KANSL3: variants seen among roughly 807,000 people sequenced by gnomAD.
KANSL3 encodes the protein KAT8 regulatory NSL complex subunit 3, also known as NSL complex protein NSL3.
KANSL3 carries 16 observed loss-of-function variants against 89.2 expected under a neutral mutation model. The observed-to-expected ratio is 0.18, with a 90% confidence interval of 0.12 to 0.27. The LOEUF (loss-of-function observed/expected upper bound fraction) is 0.27, where lower values mean the gene tolerates loss of function less well. Among genes scored for constraint, KANSL3 ranks in the 10% least tolerant of loss-of-function variants. KANSL3 has a pLI of 1.00. For synonymous variants in KANSL3, 385 were observed against 419.7 expected (o/e 0.92, Z 1.01); for missense variants, 879 against 1,110.6 (o/e 0.79, Z 2.96).
chr2:96,601,910 C>CT, intron 19 of KANSL3, 134 bp from the exon 20 acceptor site: 1 of 1,357,594 alleles, frequency 7.4e-7, no homozygotes, highest in East Asian at 2.5e-5. Flanking sequence ...CATCTATGCC[C>CT]TATCAGTCAA....
In KANSL3 at chr2:96,624,355, T is replaced by C. The variant is rs2071892037; in HGVS notation, c.387-4593A>G. ...CATTTGAAAAAGCTCTCTGGAAACA[T>C]GGATATATCTCCATGTTAATACACC... On this transcript the variant is annotated intron_variant, in intron 3 of 20. Transcript: ENST00000431828. 2.6e-5 allele frequency among the ~76,000 whole-genome samples: 4 copies of C among 152,324 alleles called. No homozygotes were observed. The South Asian group carries it at 8.3e-4, about 32-fold the overall frequency.
chr2:96,613,050 T>C (rs925367492), intron 6 of KANSL3, 116 bp from the exon 7 acceptor site: 21 of 707,420 alleles, frequency 3.0e-5, no homozygotes, highest in Non-Finnish European at 5.0e-5. Flanking sequence ...TGTGAAATTA[T>C]GTTAAGCACT....
At chr2:96,590,740 T>A (rs969530057), downstream of KANSL3, among the ~76,000 whole-genome samples, 1 of 151,956 alleles carries the variant, frequency 6.6e-6, no homozygotes, top group African/African-American at 2.4e-5. Flanking sequence ...TCCCAGCACT[T>A]TGGGAGGCCG....
rs768590755 is a variant in KANSL3 at position 96,608,611 on chromosome 2, G to A, written c.1638C>T (p.Thr546=). The change falls in exon 14 of 21, where the codon ACC becomes ACT. Residue 546 remains threonine, a synonymous_variant. Transcript: ENST00000431828. ...TGGACTTCTGGGCAGAGGTCACTGTGGTCACTTTGGTCTTGGGACTGGAGG... is the reference window on the plus strand; with the variant it reads ...TGGACTTCTGGGCAGAGGTCACTGTAGTCACTTTGGTCTTGGGACTGGAGG... ...SPTSSPKTKV[T]TVTSAQKSSQ... 16 of 1,613,976 alleles carry A rather than the reference G, an allele frequency of 9.9e-6. No individual in the cohort carries two copies. Among genetic ancestry groups the A allele is most frequent in the Non-Finnish European group, 1.4e-5 (16 of 1,179,886 alleles).
At chr2:96,631,744 T>G (rs1398224811) in intron 2 of KANSL3, among the ~76,000 whole-genome samples, 1 of 150,770 alleles carries the variant, frequency 6.6e-6, no homozygotes. Flanking sequence ...AAACATCTAT[T>G]TTTTTTTTAA....
intron 5 of KANSL3, among the ~76,000 whole-genome samples, chr2:96,618,264 G>A (rs1297522471): frequency 6.6e-6 from 1 of 151,998 alleles, no homozygotes; most frequent in Non-Finnish European, 1.5e-5. Flanking sequence ...ACCCAGGCTG[G>A]AGTGCAGTGG....
At chr2:96,604,145 G>T in intron 17 of KANSL3, 105 bp downstream of exon 17, 1 of 1,308,516 alleles carries the variant, frequency 7.6e-7, no homozygotes, top group Non-Finnish European at 1.0e-6. Context: ...AGACCCAGAG[G>T]CCCATCCTAT....
chr2:96,583,207 G>C, the KANSL3 span, among the ~76,000 whole-genome samples: 1 of 152,248 alleles, frequency 6.6e-6, no homozygotes, highest in East Asian at 1.9e-4. Context: ...TTATCTGTCT[G>C]ATTCTGTGGC....
the KANSL3 span, among the ~76,000 whole-genome samples, chr2:96,581,276 T>C: frequency 7.0e-4 from 106 of 152,132 alleles, no homozygotes; most frequent in Middle Eastern, 3.4e-3. Context: ...ATACAAAAAT[T>C]AGCCAGGCGT....
Position 96,610,878 on chromosome 2 carries a change from T to C in KANSL3, c.1167A>G (p.Val389=). ...TCTTCATATCCAAGAGGGGATCATC[T>C]ACATCCTAAAACAGGTATAGGTTTT... ...LLTVDGPRGD[V]DDPLLDMKTP... is the part of the protein sequence containing the mutation. Residue 389 remains valine, a synonymous_variant, in exon 11 of 21, where the codon GTA becomes GTG. Coordinates refer to ENST00000431828, the MANE Select transcript of KANSL3 (RefSeq NM_001115016.3). The C allele has an allele frequency of 6.2e-7, 1 of 1,613,880 alleles. No individual in the cohort carries two copies. Among genetic ancestry groups the C allele is most frequent in the Non-Finnish European group, 8.5e-7 (1 of 1,179,766 alleles).
chr2:96,630,212 C>G (rs2073133665), intron 3 of KANSL3, among the ~76,000 whole-genome samples: 1 of 152,198 alleles, frequency 6.6e-6, no homozygotes, highest in Admixed American at 6.5e-5. Context: ...CACACAAAAA[C>G]TTGTATGCAA....
At chr2:96,617,503 CA>C in intron 5 of KANSL3, among the ~76,000 whole-genome samples, 2 of 149,142 alleles carry the variant, frequency 1.3e-5, no homozygotes, top group Non-Finnish European at 3.0e-5. Context: ...GTTGGCCAGG[CA>C]ACTTACAGCA....
At chr2:96,600,273 A>G (rs931384626) in intron 20 of KANSL3, 28 of 256,908 alleles carry the variant, frequency 1.1e-4, no homozygotes, top group Non-Finnish European at 1.5e-4. Context: ...GAATGGATCC[A>G]TATCAGGCTA....
intron 3 of KANSL3, among the ~76,000 whole-genome samples, chr2:96,629,323 C>G (rs1032746671): frequency 3.9e-5 from 6 of 151,914 alleles, no homozygotes; most frequent in African/African-American, 1.5e-4. Flanking sequence ...CTCAAAAGAG[C>G]TTTTTTTTCT....
At chr2:96,580,616 T>TC in the KANSL3 span, among the ~76,000 whole-genome samples, 34 of 152,342 alleles carry the variant, frequency 2.2e-4, no homozygotes, top group African/African-American at 4.6e-4. Context: ...CTTACCTGTA[T>TC]GTTGGTTAAA....
At position 96,594,545 on chromosome 2, in the gene KANSL3, G is replaced by A. The variant is rs574527012; in HGVS notation, c.*1066C>T. On this transcript the variant is annotated 3_prime_UTR_variant, in exon 21 of 21. Transcript: ENST00000431828. ...ACAAAAAGTCTCATGAAATAGAAAC[G>A]AAAACACTGAAGCATGGCCTTCATC... The A allele has an allele frequency of 1.3e-5, 2 of 152,250 alleles. No homozygotes were observed. Among genetic ancestry groups the A allele is most frequent in the Non-Finnish European group, 2.9e-5 (2 of 68,048 alleles). The allele number at this position is 152,250 out of a possible 1,614,324, so 9.4% of individuals were successfully genotyped here. A position where few individuals can be genotyped will look rare whatever the true frequency, so the allele number is the denominator to read the frequency against.
At chr2:96,581,354 G>A in the KANSL3 span, among the ~76,000 whole-genome samples, 1 of 151,940 alleles carries the variant, frequency 6.6e-6, no homozygotes, top group Admixed American at 6.5e-5. Context: ...AACCCAGAAG[G>A]CGGAGGTTGC....
At chr2:96,589,436 GA>G (rs1188282940), downstream of KANSL3, among the ~76,000 whole-genome samples, 1 of 152,148 alleles carries the variant, frequency 6.6e-6, no homozygotes, top group Admixed American at 6.6e-5. Context: ...TCATGGCAAA[GA>G]AAACCAACAG....
chr2:96,605,645 C>A, intron 14 of KANSL3, 134 bp from the exon 15 acceptor site: 1 of 697,794 alleles, frequency 1.4e-6, no homozygotes. Flanking sequence ...ACAGGGCCAC[C>A]CCTCAAAGGA....
Sources: allele counts gnomAD v4.1 joint callset (sites outside exome capture counted in the v4.1 genomes callset), GRCh38; gene constraint gnomAD v4.1.1; transcripts MANE v1.5; gene names NCBI Gene and HGNC (gene_info 2026-07-23, HGNC 2026-07-21).